PARN: variants seen among roughly 807,000 people sequenced by gnomAD.
PARN encodes the protein poly(A)-specific ribonuclease.
PARN carries 71 observed loss-of-function variants against 102.8 expected under a neutral mutation model. That is an observed-to-expected ratio of 0.69 (90% confidence interval 0.57 to 0.84). The LOEUF (loss-of-function observed/expected upper bound fraction) is 0.84. Among genes scored for constraint, PARN ranks in the 40% least tolerant of loss-of-function variants. The probability of loss-of-function intolerance (pLI) is 0.00; values close to 1 mark genes in which losing one functional copy is unlikely to be tolerated. For synonymous variants in PARN, 261 were observed against 252.9 expected (o/e 1.03, Z -0.30); for missense variants, 782 against 760.9 (o/e 1.03, Z -0.33).
intron 5 of PARN, among the ~76,000 whole-genome samples, chr16:14,620,669 T>C (rs540416371): frequency 5.3e-5 from 8 of 152,324 alleles, no homozygotes; most frequent in East Asian, 1.9e-4. Context: ...AGAGATGTGA[T>C]TGAAGATCAG....
intron 14 of PARN, among the ~76,000 whole-genome samples, chr16:14,584,994 C>T (rs192164614): frequency 3.3e-5 from 5 of 152,310 alleles, no homozygotes; most frequent in African/African-American, 9.6e-5. Context: ...ATCCCTGCTA[C>T]GTTGGAGTAG....
chr16:14,486,672 G>T (rs865947960), intron 21 of PARN, among the ~76,000 whole-genome samples: 2 of 152,218 alleles, frequency 1.3e-5, no homozygotes, highest in Admixed American at 6.5e-5. Flanking sequence ...TAATTTACCA[G>T]CATTCCTTGA....
At chr16:14,596,226 G>T (rs1358414267) in intron 12 of PARN, among the ~76,000 whole-genome samples, 1 of 152,058 alleles carries the variant, frequency 6.6e-6, no homozygotes, top group Non-Finnish European at 1.5e-5. Context: ...GAAACTACAA[G>T]AATACCAGAA....
At chr16:14,463,838 TG>T (rs145797278) in intron 22 of PARN, among the ~76,000 whole-genome samples, 4,933 of 94,962 alleles carry the variant, frequency 0.052, 341 homozygotes, top group East Asian at 0.28. Flanking sequence ...CTTTTTTTTT[TG>T]GGGGGGGGGG....
intron 22 of PARN, among the ~76,000 whole-genome samples, chr16:14,480,066 C>G (rs1963296424): frequency 6.6e-6 from 1 of 152,086 alleles, no homozygotes; most frequent in African/African-American, 2.4e-5. Context: ...GGTCTGGTGG[C>G]TCACATCTGT....
At chr16:14,538,962 C>T (rs1966735849) in intron 21 of PARN, among the ~76,000 whole-genome samples, 1 of 152,180 alleles carries the variant, frequency 6.6e-6, no homozygotes, top group Admixed American at 6.5e-5. Context: ...GATGATCTGT[C>T]ACTGTCTCCC....
At chr16:14,624,914 A>G (rs974057166) in intron 5 of PARN, among the ~76,000 whole-genome samples, 1 of 151,846 alleles carries the variant, frequency 6.6e-6, no homozygotes, top group African/African-American at 2.4e-5. Context: ...AGCCGGCGTG[A>G]TGGTGCATGC....
chr16:14,483,206 C>G (rs974936047), intron 21 of PARN, among the ~76,000 whole-genome samples: 1 of 152,184 alleles, frequency 6.6e-6, no homozygotes, highest in Non-Finnish European at 1.5e-5. Context: ...TAAGGGAAAA[C>G]TATAAACCCT....
chr16:14,492,151 A>T (rs1381277056), intron 21 of PARN, among the ~76,000 whole-genome samples: 1 of 152,200 alleles, frequency 6.6e-6, no homozygotes, highest in Admixed American at 6.5e-5. Context: ...TATGTTTTTT[A>T]AAAAGTCCTG....
intron 5 of PARN, among the ~76,000 whole-genome samples, chr16:14,618,063 T>A (rs1314699030): frequency 6.6e-6 from 1 of 152,164 alleles, no homozygotes; most frequent in African/African-American, 2.4e-5. Flanking sequence ...GGCTCATGCC[T>A]GTAATCCCAG....
At chr16:14,608,234 A>G in intron 9 of PARN, 47 bp downstream of exon 9, 1 of 1,356,912 alleles carries the variant, frequency 7.4e-7, no homozygotes, top group African/African-American at 1.5e-5. Context: ...TTAGTCTTTA[A>G]ATCCTGGGTC....
chr16:14,619,166 G>A (rs1226314886), intron 5 of PARN, among the ~76,000 whole-genome samples: 2 of 152,130 alleles, frequency 1.3e-5, no homozygotes, highest in African/African-American at 4.8e-5. Flanking sequence ...TCATGCCACT[G>A]CACTCCAGCC....
chr16:14,529,145 G>A (rs191628867), intron 21 of PARN, among the ~76,000 whole-genome samples: 44 of 152,254 alleles, frequency 2.9e-4, no homozygotes, highest in East Asian at 9.7e-4. Flanking sequence ...CCCTCTGCCA[G>A]GCTTCTCCAG....
At chr16:14,583,804 A>G (rs1363746107) in intron 16 of PARN, among the ~76,000 whole-genome samples, 1 of 152,140 alleles carries the variant, frequency 6.6e-6, no homozygotes, top group Non-Finnish European at 1.5e-5. Flanking sequence ...GGCTCTCCAC[A>G]TACCTTGGTG....
At chr16:14,530,006 C>T (rs560749191) in intron 21 of PARN, among the ~76,000 whole-genome samples, 7 of 152,150 alleles carry the variant, frequency 4.6e-5, no homozygotes, top group Non-Finnish European at 8.8e-5. Flanking sequence ...CAGCTGGTTT[C>T]CAGGCCTGCC....
At chr16:14,476,817 T>TA (rs1321232417) in intron 22 of PARN, among the ~76,000 whole-genome samples, 4 of 152,082 alleles carry the variant, frequency 2.6e-5, no homozygotes, top group Admixed American at 2.0e-4. Context: ...ACAACGACTT[T>TA]AAAAAACAAC....
chr16:14,562,649 TAA>T (rs1219940185), intron 18 of PARN, among the ~76,000 whole-genome samples: 11 of 139,076 alleles, frequency 7.9e-5, no homozygotes, highest in African/African-American at 1.3e-4. Flanking sequence ...TAAGTAGATT[TAA>T]AAAAAAAAAA....
At chr16:14,548,001 T>C (rs1051284902) in intron 21 of PARN, among the ~76,000 whole-genome samples, 12 of 152,002 alleles carry the variant, frequency 7.9e-5, no homozygotes, top group African/African-American at 2.7e-4. Flanking sequence ...TCCCAGCACT[T>C]TGGAAGGCCG....
At chr16:14,608,743 C>A (rs1052683945) in intron 8 of PARN, among the ~76,000 whole-genome samples, 1 of 152,176 alleles carries the variant, frequency 6.6e-6, no homozygotes, top group Admixed American at 6.5e-5. Flanking sequence ...AAAGTGAATT[C>A]TTTCTTCTGA....
Sources: allele counts gnomAD v4.1 joint callset (sites outside exome capture counted in the v4.1 genomes callset), GRCh38; gene constraint gnomAD v4.1.1; transcripts MANE v1.5; gene names NCBI Gene and HGNC (gene_info 2026-07-23, HGNC 2026-07-21).